Variants in ADK observed in about 807,000 individuals in gnomAD.
ADK encodes the protein N6,N6-dimethyladenosine kinase.
ADK carries 24 observed loss-of-function variants against 44.7 expected under a neutral mutation model. That is an observed-to-expected ratio of 0.54 (90% CI 0.39 to 0.76). The LOEUF is 0.76. Among genes scored for constraint, ADK ranks in the 30% least tolerant of loss-of-function variants. ADK has a pLI of 0.00. For synonymous variants in ADK, 128 were observed against 142.6 expected (o/e 0.90, Z 0.73); for missense variants, 321 against 425.1 (o/e 0.76, Z 2.15).
At chr10:74,570,699 G>A (rs1041303893) in intron 7 of ADK, among the ~76,000 whole-genome samples, 1 of 152,184 alleles carries the variant, frequency 6.6e-6, no homozygotes, top group African/African-American at 2.4e-5. Flanking sequence ...CTGAGACGAT[G>A]GGGTTTTCTA....
chr10:74,615,247 A>G (rs1011280651), intron 9 of ADK, among the ~76,000 whole-genome samples: 9 of 152,192 alleles, frequency 5.9e-5, no homozygotes, highest in Admixed American at 5.2e-4. Flanking sequence ...ATCCAAAGTA[A>G]ATTAGCTCTT....
At chr10:74,359,767 C>A (rs1592098272) in intron 4 of ADK, among the ~76,000 whole-genome samples, 1 of 152,096 alleles carries the variant, frequency 6.6e-6, no homozygotes, top group Non-Finnish European at 1.5e-5. Flanking sequence ...AACAGTCTTT[C>A]AATTCCAAAA....
At chr10:74,203,066 A>G (rs1204992237) in intron 2 of ADK, among the ~76,000 whole-genome samples, 1 of 152,162 alleles carries the variant, frequency 6.6e-6, no homozygotes, top group Non-Finnish European at 1.5e-5. Context: ...TTCTTCTAAG[A>G]GTTTTGTAGT....
chr10:74,659,993 G>C (rs1854638531), intron 9 of ADK, among the ~76,000 whole-genome samples: 1 of 152,130 alleles, frequency 6.6e-6, no homozygotes, highest in South Asian at 2.1e-4. Flanking sequence ...TTCATTTCAA[G>C]ATTAATAATA....
chr10:74,323,820 T>G (rs1840906041), intron 4 of ADK, among the ~76,000 whole-genome samples: 1 of 152,134 alleles, frequency 6.6e-6, no homozygotes, highest in Non-Finnish European at 1.5e-5. Context: ...TCCGCCCGCC[T>G]TGGCCTCCCA....
intron 3 of ADK, among the ~76,000 whole-genome samples, chr10:74,290,960 T>C (rs1847398274): frequency 6.6e-6 from 1 of 152,238 alleles, no homozygotes. Context: ...TTCTTGCTTT[T>C]AGGAAGAGTC....
At chr10:74,596,549 CTCTT>C (rs1320375730) in intron 8 of ADK, among the ~76,000 whole-genome samples, 1 of 150,272 alleles carries the variant, frequency 6.7e-6, no homozygotes, top group Non-Finnish European at 1.5e-5. Context: ...CTCTCTCTCT[CTCTT>C]TTTTTTTTTT....
At chr10:74,254,735 T>G (rs1269717302) in intron 3 of ADK, among the ~76,000 whole-genome samples, 4 of 152,200 alleles carry the variant, frequency 2.6e-5, no homozygotes, top group Admixed American at 6.5e-5. Flanking sequence ...GGAATCTCCT[T>G]CTTTTTTTGT....
rs146395490 is a variant in ADK at position 74,195,668 on chromosome 10, T to TTTTCTTTC, written c.66-5076_66-5069dup. On this transcript the variant is annotated intron_variant, in intron 1 of 10. Coordinates refer to ENST00000539909, the MANE Select transcript of ADK (RefSeq NM_006721.4). ...CTGGCTCAATTTTTTATATTTTTCT[T>TTTTCTTTC]TTTCTTTCTTTCTTTCTTTCTTTCT... is the stretch of plus-strand genomic sequence containing the variant. 3.2e-4 allele frequency among the ~76,000 whole-genome samples: 46 copies of TTTTCTTTC among 143,190 alleles called. No individual in the cohort carries two copies. The East Asian group carries it at 7.9e-3, about 25-fold the overall frequency. The allele number at this position is 143,190 out of a possible 152,430, so 93.9% of individuals were successfully genotyped here. A position where few individuals can be genotyped will look rare whatever the true frequency, so the allele number is the denominator to read the frequency against.
At chr10:74,342,507 C>T (rs996564632) in intron 4 of ADK, among the ~76,000 whole-genome samples, 1 of 152,276 alleles carries the variant, frequency 6.6e-6, no homozygotes, top group East Asian at 1.9e-4. Context: ...GGCTCATGCT[C>T]TGTTGCCCAG....
chr10:74,297,313 T>C (rs1390486326), intron 3 of ADK, among the ~76,000 whole-genome samples: 1 of 152,244 alleles, frequency 6.6e-6, no homozygotes, highest in African/African-American at 2.4e-5. Flanking sequence ...TTCTCACTTA[T>C]ATTGTAAGCT....
intron 4 of ADK, among the ~76,000 whole-genome samples, chr10:74,355,266 G>T (rs143475077): frequency 6.6e-6 from 1 of 152,174 alleles, no homozygotes; most frequent in Non-Finnish European, 1.5e-5. Flanking sequence ...AAAGATACTT[G>T]CTTCCTAATC....
intron 2 of ADK, among the ~76,000 whole-genome samples, chr10:74,219,336 G>T (rs1257834319): frequency 6.6e-6 from 1 of 152,066 alleles, no homozygotes; most frequent in Admixed American, 6.6e-5. Flanking sequence ...AAATATATAT[G>T]CACCCAATAC....
chr10:74,389,779 G>A (rs1843274356), intron 4 of ADK, among the ~76,000 whole-genome samples: 1 of 152,042 alleles, frequency 6.6e-6, no homozygotes, highest in Admixed American at 6.5e-5. Context: ...TATTTCTACT[G>A]TTTATCAATT....
intron 9 of ADK, among the ~76,000 whole-genome samples, chr10:74,611,760 A>G (rs772320162): frequency 7.3e-5 from 11 of 150,904 alleles, no homozygotes; most frequent in Non-Finnish European, 1.6e-4. Context: ...TTCACTTTGG[A>G]TAATGTCCTC....
Position 74,525,370 on chromosome 10 carries a change from A to C in ADK, c.670A>C (p.Lys224Gln). The C allele has an allele frequency of 6.2e-7, 1 of 1,613,738 alleles. No individual in the cohort carries two copies. Among genetic ancestry groups the C allele is most frequent in the South Asian group, 1.1e-5 (1 of 91,084 alleles). The change falls in exon 7 of 11, where the codon AAG (lysine) becomes CAG (glutamine). Residue 224 changes from lysine (K) to glutamine (Q), a missense_variant. By Grantham distance (53) the Lys-to-Gln change is moderately conservative. Transcript: ENST00000539909. ...LSAPFISQFY[K>Q]ESLMKVMPYV... Reference sequence around the variant, plus strand: ...TGCACCGTTTATTAGCCAGTTCTACAAGGAATCATTGATGAAAGTTATGCC... The same window carrying C: ...TGCACCGTTTATTAGCCAGTTCTACCAGGAATCATTGATGAAAGTTATGCC...
intron 3 of ADK, among the ~76,000 whole-genome samples, chr10:74,250,103 G>A (rs75564407): frequency 0.018 from 2,708 of 152,248 alleles, 83 homozygotes; most frequent in African/African-American, 0.062. Context: ...TAGAAATGCA[G>A]AGATGAGTAA....
intron 9 of ADK, among the ~76,000 whole-genome samples, chr10:74,605,768 G>A (rs950452436): frequency 2.6e-5 from 4 of 152,142 alleles, no homozygotes; most frequent in African/African-American, 9.7e-5. Context: ...AAATAAATTA[G>A]AGAGGAGTCC....
At chr10:74,219,696 G>A (rs933604263) in intron 2 of ADK, among the ~76,000 whole-genome samples, 151 of 151,088 alleles carry the variant, frequency 1.0e-3, no homozygotes, top group African/African-American at 3.6e-3. Context: ...AATCAAACTA[G>A]AACTCAGGAT....
Sources: allele counts gnomAD v4.1 joint callset (sites outside exome capture counted in the v4.1 genomes callset), GRCh38; gene constraint gnomAD v4.1.1; transcripts MANE v1.5; gene names NCBI Gene and HGNC (gene_info 2026-07-23, HGNC 2026-07-21).